The following NEDD9 variants were observed in gnomAD, a reference collection of about 807,000 sequenced individuals.
The protein encoded by NEDD9 is neural precursor cell expressed, developmentally down-regulated 9, also known as enhancer of filamentation 1.
In NEDD9, 26 loss-of-function variants were observed where a neutral mutation model predicts 76.6. That is an observed-to-expected ratio of 0.34 (90% CI 0.25 to 0.47). The LOEUF (loss-of-function observed/expected upper bound fraction) is 0.47. Ranked by LOEUF, NEDD9 falls within the 20% of genes least tolerant of loss-of-function variation. The pLI is 1.00. For missense variants in NEDD9, 937 were observed against 1,058.5 expected (o/e 0.89, Z 1.59); for synonymous variants, 392 against 414.2 (o/e 0.95, Z 0.65).
intron 1 of NEDD9, among the ~76,000 whole-genome samples, chr6:11,336,349 C>T (rs1310217592): frequency 6.6e-6 from 1 of 152,350 alleles, no homozygotes; most frequent in Non-Finnish European, 1.5e-5. Context: ...GTAGAGCCTA[C>T]TACTTACCCA....
chr6:11,257,551 G>C (rs1233242190), intron 3 of NEDD9, among the ~76,000 whole-genome samples: 1 of 152,164 alleles, frequency 6.6e-6, no homozygotes, highest in African/African-American at 2.4e-5. Context: ...CTTTTTGTCA[G>C]TGTTCCCATT....
chr6:11,183,769 A>T lies in NEDD9; in HGVS notation c.*1393T>A, dbSNP rs1290304468. On this transcript the variant is annotated 3_prime_UTR_variant, in exon 7 of 7. Transcript: ENST00000379446. ...TCAGGCATATATTGCAAATAAAAAC[A>T]TGTTTCCAAGTAGGCTGGAATAAAA... 3.3e-5 allele frequency: 5 copies of T among 152,272 alleles called. No homozygotes were observed. Among genetic ancestry groups the T allele is most frequent in the African/African-American group, 1.2e-4 (5 of 41,466 alleles). The allele number at this position is 152,272 out of a possible 1,614,324, so 9.4% of individuals were successfully genotyped here.
In NEDD9 at chr6:11,266,403, C is replaced by G. The variant is rs555399411; in HGVS notation, c.12+39589G>C. Among the ~76,000 whole-genome samples, 54 of 152,160 alleles carry G rather than the reference C, an allele frequency of 3.5e-4. 2 individuals are homozygous for G. In the South Asian group the frequency reaches 0.011, roughly 31 times the overall value. ...ACGTATTACAATGCACAGGGCAACTCCACAATAAATAATTATTTGTCCCCA... is the reference window on the plus strand; with the variant it reads ...ACGTATTACAATGCACAGGGCAACTGCACAATAAATAATTATTTGTCCCCA... On this transcript the variant is annotated intron_variant, in intron 3 of 3. Transcript: ENST00000397378.
chr6:11,315,895 C>T (rs1761539395), intron 2 of NEDD9, among the ~76,000 whole-genome samples: 1 of 152,192 alleles, frequency 6.6e-6, no homozygotes, highest in African/African-American at 2.4e-5. Flanking sequence ...CAAACTACTG[C>T]CAACCACCTG....
rs1329089324 is a variant in NEDD9 at position 11,257,840 on chromosome 6, C to T, written c.13-44113G>A. Among the ~76,000 whole-genome samples the T allele has an allele frequency of 3.4e-5, 5 of 149,228 alleles. 1 individual carries two copies. The highest frequency in any genetic ancestry group is 1.3e-4 in the African/African-American group (5 of 39,136). ...TACGGCATCAAAGGTTATCTTGTCT[C>T]ATATCTTGTCTCTTTTTATTTCTTG... On this transcript the variant is annotated intron_variant, in intron 3 of 3. Transcript: ENST00000397378.
chr6:11,215,437 TA>T (rs1758925532), intron 1 of NEDD9, among the ~76,000 whole-genome samples: 1 of 152,112 alleles, frequency 6.6e-6, no homozygotes, highest in South Asian at 2.1e-4. Context: ...TTCACATACA[TA>T]AAGAAAAAAT....
chr6:11,285,891 A>G (rs1346371627), intron 3 of NEDD9, among the ~76,000 whole-genome samples: 2 of 152,150 alleles, frequency 1.3e-5, no homozygotes, highest in Admixed American at 1.3e-4. Context: ...AAAACCTAAA[A>G]CTATAAAAAT....
rs963025346 is a variant in NEDD9 at position 11,252,387 on chromosome 6, C to T, written c.13-38660G>A. 1.3e-5 allele frequency among the ~76,000 whole-genome samples: 2 copies of T among 152,242 alleles called. No individual in the cohort carries two copies. Among genetic ancestry groups the T allele is most frequent in the African/African-American group, 4.8e-5 (2 of 41,462 alleles). On this transcript the variant is annotated intron_variant, in intron 3 of 3. Coordinates refer to the NEDD9 transcript ENST00000397378. This position sits in a 1 kb window ranked among gnomAD's most constrained non-coding sequence, Gnocchi z 4.3. ...CTATTGCAATATCGGAACCAGCTCTCACGTCCCGATTTCACAGTAACTCAT... is the reference window on the plus strand; with the variant it reads ...CTATTGCAATATCGGAACCAGCTCTTACGTCCCGATTTCACAGTAACTCAT...
chr6:11,328,829 G>A (rs1761980565), intron 2 of NEDD9: 1 of 152,232 alleles, frequency 6.6e-6, no homozygotes, highest in Non-Finnish European at 1.5e-5. Context: ...GTGAGTTAGT[G>A]GCCCCAGAGG....
In NEDD9 at chr6:11,325,010, T is replaced by A. The variant is rs368626602; in HGVS notation, c.-153+9491A>T. On this transcript the variant is annotated intron_variant, in intron 2 of 3. Coordinates refer to the NEDD9 transcript ENST00000397378. ...GATAAGGCAACCCATAGGCCTTTTT[T>A]AAATTCTTCCTTACTTGTCAGTAAG... 2.1e-3 allele frequency among the ~76,000 whole-genome samples: 315 copies of A among 152,354 alleles called. 5 individuals are homozygous for A. Among genetic ancestry groups the A allele is most frequent in the African/African-American group, 5.4e-3 (224 of 41,580 alleles).
intron 3 of NEDD9, among the ~76,000 whole-genome samples, chr6:11,268,133 G>A (rs1249074548): frequency 2.0e-5 from 3 of 152,082 alleles, no homozygotes; most frequent in Non-Finnish European, 2.9e-5. Flanking sequence ...AGGCTCAGGC[G>A]ATTCTCCCTC....
chr6:11,351,864 C>G (rs576608926), intron 1 of NEDD9, among the ~76,000 whole-genome samples: 1 of 152,356 alleles, frequency 6.6e-6, no homozygotes, highest in South Asian at 2.1e-4. Flanking sequence ...GGGGCCTCAG[C>G]CATGAATCTA....
rs144948274 is a variant in NEDD9, at chr6:11,190,980, G to C, written c.889C>G (p.Leu297Val). 6.2e-7 allele frequency: 1 copy of C among 1,613,918 alleles called. No homozygotes were observed. Among genetic ancestry groups the C allele is most frequent in the African/African-American group, 1.3e-5 (1 of 74,854 alleles). ...AEPVARRHQSLSPNHPPPQLG... is the reference protein window; with the variant it reads ...AEPVARRHQSVSPNHPPPQLG... The stretch of plus-strand genomic sequence containing the variant: ...TGCGGGGGTGGGTGATTCGGGGACA[G>C]GCTCTGGTGCCTTCGAGCCACCGGT... The change falls in exon 5 of 7, where the codon CTG becomes GTG. Residue 297 changes from leucine (L) to valine (V), a missense_variant. Physicochemically the swap from Leu to Val is conservative, Grantham distance 32 (BLOSUM62 1). Transcript: ENST00000379446. This position sits in a 1 kb window ranked among gnomAD's most constrained non-coding sequence, Gnocchi z 5.8.
At chr6:11,236,439 C>G (rs983410231), upstream of NEDD9, among the ~76,000 whole-genome samples, 5 of 152,172 alleles carry the variant, frequency 3.3e-5, no homozygotes, top group Admixed American at 6.5e-5. The surrounding 1 kb of genome is among the most constrained non-coding windows in gnomAD (Gnocchi z 5.5). Context: ...CAAGAGGAGG[C>G]TAGAAAGAAG....
upstream of NEDD9, among the ~76,000 whole-genome samples, chr6:11,237,032 A>G (rs1039364778): frequency 6.6e-6 from 1 of 151,092 alleles, no homozygotes; most frequent in Non-Finnish European, 1.5e-5. The surrounding 1 kb of genome is among the most constrained non-coding windows in gnomAD (Gnocchi z 4.9). Flanking sequence ...GCTGAGAATG[A>G]CCCCCCTTCA....
At chr6:11,310,015 C>T (rs1761317923) in intron 2 of NEDD9, among the ~76,000 whole-genome samples, 1 of 152,154 alleles carries the variant, frequency 6.6e-6, no homozygotes, top group African/African-American at 2.4e-5. Context: ...CGACACGCCA[C>T]TAGGAGGGCA....
At position 11,317,152 on chromosome 6, in the gene NEDD9, G is replaced by T. The variant is rs545383875; in HGVS notation, c.-152-10997C>A. On this transcript the variant is annotated intron_variant, in intron 2 of 3. Coordinates refer to the NEDD9 transcript ENST00000397378. ...CAGAGCTTGTTAAATGAGATAGGGGGCCAGGCACGGTGACTCACACTTGTA... is the reference window on the plus strand; with the variant it reads ...CAGAGCTTGTTAAATGAGATAGGGGTCCAGGCACGGTGACTCACACTTGTA... Among the ~76,000 whole-genome samples the T allele has an allele frequency of 2.6e-5, 4 of 152,274 alleles. No individual in the cohort carries two copies. In the East Asian group the frequency reaches 7.7e-4, roughly 29 times the overall value.
intron 3 of NEDD9, among the ~76,000 whole-genome samples, chr6:11,255,545 T>A (rs1320782755): frequency 6.6e-6 from 1 of 151,886 alleles, no homozygotes; most frequent in African/African-American, 2.4e-5. Flanking sequence ...CTAAGGTAGC[T>A]GAAACAGCAT....
intron 3 of NEDD9, among the ~76,000 whole-genome samples, chr6:11,257,058 A>C (rs148811810): frequency 0.015 from 2,305 of 152,294 alleles, 26 homozygotes; most frequent in Non-Finnish European, 0.025. Flanking sequence ...GCCCTGGAAA[A>C]ATGTAAAGTA....
Sources: allele counts gnomAD v4.1 joint callset (sites outside exome capture counted in the v4.1 genomes callset), GRCh38; gene constraint gnomAD v4.1.1; non-coding constraint Gnocchi (gnomAD v3.1); transcripts MANE v1.5; gene names NCBI Gene and HGNC (gene_info 2026-07-23, HGNC 2026-07-21).